The following CHRNA4 variants were observed in gnomAD, a reference collection of about 807,000 sequenced individuals.
CHRNA4 encodes neuronal acetylcholine receptor subunit alpha-4.
In CHRNA4, 28 loss-of-function variants were observed where a neutral mutation model predicts 48.9. That is an observed-to-expected ratio of 0.57 (90% CI 0.42 to 0.79). The LOEUF (loss-of-function observed/expected upper bound fraction) is 0.79, where lower values mean the gene tolerates loss of function less well. CHRNA4 is among the 30% of genes least tolerant of loss of function. CHRNA4 has a pLI of 0.00. For missense variants in CHRNA4, 859 were observed against 898.4 expected, an observed-to-expected ratio of 0.96 and a Z score of 0.56; for synonymous variants, 425 against 402.3, an observed-to-expected ratio of 1.06 and a Z score of -0.68.
intron 4 of CHRNA4, among the ~76,000 whole-genome samples, chr20:63,352,095 T>G (rs1367228780): frequency 1.3e-5 from 2 of 152,140 alleles, no homozygotes; most frequent in African/African-American, 4.8e-5. Context: ...GGGGAGCGGC[T>G]GCCCAGCCAC....
chr20:63,353,522 G>GA (rs1437221960), intron 4 of CHRNA4, among the ~76,000 whole-genome samples: 1 of 109,258 alleles, frequency 9.2e-6, no homozygotes, highest in Non-Finnish European at 2.0e-5. Context: ...GTCCTGGGGG[G>GA]CTGTGGTCCT....
In CHRNA4 at chr20:63,355,965, G is replaced by A. The variant is rs763152627; in HGVS notation, c.383+10C>T. ...CCCTGTAGAGGACTCACTTGTTGTA[G>A]AGGACTCACTTGTTGTAGAGGACGA... is the stretch of plus-strand genomic sequence containing the variant. On this transcript the variant is annotated intron_variant, in intron 4 of 5. Coordinates refer to ENST00000370263, the MANE Select transcript of CHRNA4 (RefSeq NM_000744.7). 4 of 1,611,916 alleles carry A rather than the reference G, an allele frequency of 2.5e-6. No individual in the cohort carries two copies. Among genetic ancestry groups the A allele is most frequent in the Non-Finnish European group, 3.4e-6 (4 of 1,179,500 alleles).
At chr20:63,356,524 T>C (rs1337876835) in intron 2 of CHRNA4, 109 bp from the exon 3 acceptor site, 4 of 1,211,032 alleles carry the variant, frequency 3.3e-6, no homozygotes, top group Admixed American at 4.0e-5. Context: ...GGGCAAGATA[T>C]GGTGGACGGG....
chr20:63,349,548 G>GC, intron 5 of CHRNA4, 105 bp downstream of exon 5: 1 of 1,454,272 alleles, frequency 6.9e-7, no homozygotes, highest in Non-Finnish European at 9.5e-7. Flanking sequence ...AAGCGAAGCA[G>GC]CCTGAGGCCT....
chr20:63,359,887 C>CT, intron 1 of CHRNA4, 188 bp from the exon 2 acceptor site: 1 of 494,192 alleles, frequency 2.0e-6, no homozygotes. Flanking sequence ...GTGTGTGTGC[C>CT]GGGCGTGTGC....
At chr20:63,360,698 AC>A (rs2068804657) in intron 1 of CHRNA4, among the ~76,000 whole-genome samples, 1 of 152,098 alleles carries the variant, frequency 6.6e-6, no homozygotes, top group African/African-American at 2.4e-5. Context: ...GGCAGAGGCC[AC>A]CCCTCTGATC....
chr20:63,351,889 C>T (rs2145391304), intron 4 of CHRNA4, among the ~76,000 whole-genome samples: 1 of 152,360 alleles, frequency 6.6e-6, no homozygotes, highest in Admixed American at 6.5e-5. Flanking sequence ...TAGACAGCGG[C>T]TGGCTGGGTG....
At chr20:63,359,915 G>GCGCCGGGCGTGCGC (rs1388394242) in intron 1 of CHRNA4, 1 of 436,296 alleles carries the variant, frequency 2.3e-6, no homozygotes, top group African/African-American at 2.3e-5. Context: ...GTGTGTGTGT[G>GCGCCGGGCGTGCGC]TGTGTGTGTG....
At chr20:63,349,615 G>C (rs201229964) in intron 5 of CHRNA4, 38 bp downstream of exon 5, 9 of 1,611,228 alleles carry the variant, frequency 5.6e-6, no homozygotes, top group Non-Finnish European at 7.6e-6. Flanking sequence ...GTTCCGTCTG[G>C]GTCAGAGGCG....
chr20:63,350,500 G>A lies in CHRNA4; in HGVS notation c.911C>T (p.Pro304Leu). Reference sequence around the variant, plus strand: ...GAACAGCAGGTACTCGCCGATGAGTGGGATGACCAGTGAGGTGGACGGGAT... The same window carrying A: ...GAACAGCAGGTACTCGCCGATGAGTAGGATGACCAGTGAGGTGGACGGGAT... ...EIIPSTSLVI[P>L]LIGEYLLFTM... The change falls in exon 5 of 6, where the codon CCA becomes CTA. Residue 304 changes from proline to leucine, a missense_variant. By Grantham distance (98) the Pro-to-Leu change is moderately conservative. Coordinates refer to ENST00000370263, the MANE Select transcript of CHRNA4 (RefSeq NM_000744.7). The A allele has an allele frequency of 6.2e-7, 1 of 1,613,926 alleles. No homozygotes were observed. The highest frequency in any genetic ancestry group is 1.1e-5 in the South Asian group (1 of 91,074).
chr20:63,349,482 C>T (rs1189265278), intron 5 of CHRNA4, 171 bp downstream of exon 5: 5 of 870,518 alleles, frequency 5.7e-6, no homozygotes, highest in Non-Finnish European at 9.0e-6. Flanking sequence ...GGACCTGCGG[C>T]CACATAGCAG....
intron 5 of CHRNA4, among the ~76,000 whole-genome samples, chr20:63,348,778 AC>A (rs2068535677): frequency 1.1e-5 from 1 of 90,156 alleles, no homozygotes. Context: ...CTGTCCGTGG[AC>A]CCTGGCCCCT....
At position 63,349,847 on chromosome 20, in the gene CHRNA4, G is replaced by A. The variant is rs1057521949; in HGVS notation, c.1564C>T (p.Pro522Ser). ...SRNTHSAELPPPDQPSPCKCT... is the reference protein window; with the variant it reads ...SRNTHSAELPSPDQPSPCKCT... ...TTGCACGGAGAGGGCTGGTCTGGGG[G>A]TGGGAGCTCAGCCGAGTGGGTGTTG... Residue 522 changes from proline to serine, a missense_variant, in exon 5 of 6, where the codon CCC (proline) becomes TCC (serine). By Grantham distance (74) the Pro-to-Ser change is moderately conservative. This residue lies in a region of CHRNA4 where 478 missense variants were observed against 455.4 expected (regional missense o/e 1.05). Coordinates refer to ENST00000370263, the MANE Select transcript of CHRNA4 (RefSeq NM_000744.7). The A allele has an allele frequency of 3.8e-6, 6 of 1,597,930 alleles. No individual in the cohort carries two copies. Among genetic ancestry groups the A allele is most frequent in the Non-Finnish European group, 5.1e-6 (6 of 1,169,952 alleles).
rs369806756 is a variant in CHRNA4 at position 63,351,035 on chromosome 20, G to A, written c.384-8C>T. 1.9e-6 allele frequency: 3 copies of A among 1,610,442 alleles called. No homozygotes were observed. The South Asian group carries it at 3.3e-5, about 18-fold the overall frequency. On this transcript the variant is annotated splice_polypyrimidine_tract_variant and splice_region_variant and intron_variant, in intron 4 of 5. Transcript: ENST00000370263. Reference sequence around the variant, plus strand: ...GCGAAGTCCCCGTCAGCACTGGGCAGGAAGAGAGCGAAGGGTGTGAGACCC... The same window carrying A: ...GCGAAGTCCCCGTCAGCACTGGGCAAGAAGAGAGCGAAGGGTGTGAGACCC...
In CHRNA4 at chr20:63,350,772, A is replaced by T. The variant is rs1044393; in HGVS notation, c.639T>A (p.Asp213Glu). ...FWESGEWVIV[D>E]AVGTYNTRKY... is the part of the protein sequence containing the mutation. ...TCCTGGTGTTGTAGGTGCCCACGGC[A>T]TCCACGATGACCCACTCGCCACTCT... Residue 213 changes from aspartate (D) to glutamate (E), a missense_variant, in exon 5 of 6, where the codon GAT (aspartate) becomes GAA (glutamate). By Grantham distance (45) the Asp-to-Glu change is conservative. Around this residue, in one of 3 missense-constraint regions of CHRNA4, gnomAD observed 342 missense variants for 365.3 expected, o/e 0.94. Coordinates refer to ENST00000370263, the MANE Select transcript of CHRNA4 (RefSeq NM_000744.7). 1.2e-6 allele frequency: 2 copies of T among 1,613,196 alleles called. No individual in the cohort carries two copies. Among genetic ancestry groups the T allele is most frequent in the African/African-American group, 2.7e-5 (2 of 74,622 alleles).
chr20:63,343,761 G>A lies in CHRNA4; in HGVS notation c.*2977C>T, dbSNP rs200134684. 5 of 453,058 alleles carry A rather than the reference G, an allele frequency of 1.1e-5. No homozygotes were observed. Among genetic ancestry groups the A allele is most frequent in the East Asian group, 7.0e-5 (1 of 14,370 alleles). The allele number at this position is 453,058 out of a possible 1,614,324, so 28.1% of individuals were successfully genotyped here. A position where few individuals can be genotyped will look rare whatever the true frequency, so the allele number is the denominator to read the frequency against. On this transcript the variant is annotated 3_prime_UTR_variant, in exon 6 of 6. Transcript: ENST00000370263. The stretch of plus-strand genomic sequence containing the variant: ...CGCAAGCAGCCGCAGAGGGGCCGGC[G>A]CCCCGGCAGGCTTCGAGCTGCAGCA...
chr20:63,344,804 C>T lies in CHRNA4; in HGVS notation c.*1934G>A, dbSNP rs200462727. The T allele has an allele frequency of 2.7e-5, 12 of 452,794 alleles. No homozygotes were observed. The highest frequency in any genetic ancestry group is 4.4e-5 in the Non-Finnish European group (10 of 226,084). 28.0% of individuals were successfully genotyped at this position (452,794 alleles called of 1,614,324 possible). On this transcript the variant is annotated 3_prime_UTR_variant, in exon 6 of 6. Transcript: ENST00000370263. The surrounding 1 kb of genome is among the most constrained non-coding windows in gnomAD (Gnocchi z 4.5). ...ACCTCACTCTCCCAGGGTCTCCCTG[C>T]GTCCTGGGAGCTCTGGCCGAGGAGC... is the stretch of plus-strand genomic sequence containing the variant.
rs1221750375 is a variant in CHRNA4, at chr20:63,349,641, G to A, written c.1758+12C>T. The A allele has an allele frequency of 1.2e-6, 2 of 1,612,538 alleles. No individual in the cohort carries two copies. The highest frequency in any genetic ancestry group is 1.7e-5 in the Admixed American group (1 of 60,008). ...GTCAGAGGCGCCCAACACAGCCATG[G>A]GCGGGACTTACCGAGAAGTCTGTGT... On this transcript the variant is annotated intron_variant, in intron 5 of 5. Transcript: ENST00000370263.
intron 4 of CHRNA4, chr20:63,355,768 G>A: frequency 2.4e-6 from 2 of 834,200 alleles, no homozygotes; most frequent in South Asian, 3.2e-5. Flanking sequence ...CTGGCCTGGG[G>A]GGACCCTTCC....
Sources: gnomAD v4.1 joint callset for allele counts (sites outside exome capture counted in the v4.1 genomes callset) on GRCh38, gnomAD v4.1.1 for gene constraint, gnomAD v4.1.1 regional missense constraint, Gnocchi (gnomAD v3.1) non-coding constraint, MANE v1.5 for transcripts, NCBI Gene and HGNC (gene_info 2026-07-23, HGNC 2026-07-21) for gene names.